KCND3: variants seen among roughly 807,000 people sequenced by gnomAD.
KCND3 encodes the protein potassium voltage-gated channel subfamily D member 3, also known as A-type voltage-gated potassium channel KCND3.
In KCND3, 9 loss-of-function variants were observed where a neutral mutation model predicts 51.1. The observed-to-expected ratio is 0.18, with a 90% confidence interval of 0.11 to 0.31. KCND3 has a LOEUF of 0.31. Among genes scored for constraint, KCND3 ranks in the 10% least tolerant of loss-of-function variants. KCND3 has a pLI of 1.00. For synonymous variants in KCND3, 349 were observed against 368.0 expected, an observed-to-expected ratio of 0.95 and a Z score of 0.59; for missense variants, 526 against 903.8, an observed-to-expected ratio of 0.58 and a Z score of 5.36.
In KCND3 at chr1:111,820,634, C is replaced by T. The variant is rs147529494; in HGVS notation, c.1107-33528G>A. ...TTGTTTTCATTCTTACTTTTGGAAG[C>T]TCCCTGGATTGAATTGTGTCTTCCA... On this transcript the variant is annotated intron_variant, in intron 2 of 7. Transcript: ENST00000302127. 1.7e-3 allele frequency among the ~76,000 whole-genome samples: 264 copies of T among 152,260 alleles called. 1 individual carries two copies. Among genetic ancestry groups the T allele is most frequent in the African/African-American group, 6.1e-3 (254 of 41,538 alleles).
At chr1:111,931,968 C>T (rs140530721) in intron 2 of KCND3, among the ~76,000 whole-genome samples, 2 of 152,354 alleles carry the variant, frequency 1.3e-5, no homozygotes, top group East Asian at 1.9e-4. Flanking sequence ...TTCAGCACCA[C>T]CAACGTATAC....
intron 2 of KCND3, among the ~76,000 whole-genome samples, chr1:111,886,843 T>C (rs1260022157): frequency 6.6e-6 from 1 of 152,224 alleles, no homozygotes; most frequent in Non-Finnish European, 1.5e-5. Context: ...AACACATATA[T>C]GCTTGACCAC....
At chr1:111,827,631 A>T (rs747176337) in intron 2 of KCND3, among the ~76,000 whole-genome samples, 1 of 152,192 alleles carries the variant, frequency 6.6e-6, no homozygotes, top group South Asian at 2.1e-4. Context: ...TAACAATCCT[A>T]TGAGGCTGGT....
In KCND3 at chr1:111,830,791, T is replaced by C. The variant is rs1053797256; in HGVS notation, c.1107-43685A>G. On this transcript the variant is annotated intron_variant, in intron 2 of 7. Coordinates refer to ENST00000302127, the MANE Select transcript of KCND3 (RefSeq NM_001378969.1). The stretch of plus-strand genomic sequence containing the variant: ...ATATTTTCCATAAAATGTATTTTAA[T>C]GTGTAATGGGATATGTTATTTTAAA... Among the ~76,000 whole-genome samples the C allele has an allele frequency of 2.0e-5, 3 of 152,392 alleles. No individual in the cohort carries two copies. The East Asian group carries it at 5.8e-4, about 29-fold the overall frequency.
rs185181537 is a variant in KCND3, at chr1:111,898,667, A to C, written c.1106+82954T>G. ...TACTGAGTGTGTGCTTCAACTGTAC[A>C]CAAAGCACAGGCCTTGCCCTCCTGA... On this transcript the variant is annotated intron_variant, in intron 2 of 7. Coordinates refer to ENST00000302127, the MANE Select transcript of KCND3 (RefSeq NM_001378969.1). Among the ~76,000 whole-genome samples, 3 of 152,346 alleles carry C rather than the reference A, an allele frequency of 2.0e-5. No individual in the cohort carries two copies. The East Asian group carries it at 5.8e-4, about 29-fold the overall frequency.
chr1:111,920,413 C>T (rs1012952676), intron 2 of KCND3, among the ~76,000 whole-genome samples: 4 of 152,246 alleles, frequency 2.6e-5, no homozygotes, highest in Non-Finnish European at 4.4e-5. Flanking sequence ...ACGCCAGTGG[C>T]TTCTAAAAAT....
At chr1:111,972,508 A>G (rs1674399825) in intron 2 of KCND3, among the ~76,000 whole-genome samples, 1 of 152,212 alleles carries the variant, frequency 6.6e-6, no homozygotes, top group African/African-American at 2.4e-5. Flanking sequence ...AAACCAGCAT[A>G]TTAGTTAAGC....
chr1:111,951,043 G>T (rs906992964), intron 2 of KCND3, among the ~76,000 whole-genome samples: 2 of 151,512 alleles, frequency 1.3e-5, no homozygotes, highest in African/African-American at 4.9e-5. Flanking sequence ...GGTGGTGCAT[G>T]CCTGTAATCC....
chr1:111,935,707 C>T (rs1474455930), intron 2 of KCND3, among the ~76,000 whole-genome samples: 1 of 152,182 alleles, frequency 6.6e-6, no homozygotes, highest in Non-Finnish European at 1.5e-5. Context: ...GGCACCAGAA[C>T]AGACCTGTCT....
chr1:111,861,674 AG>A (rs1294833126), intron 2 of KCND3, among the ~76,000 whole-genome samples: 2 of 152,104 alleles, frequency 1.3e-5, no homozygotes. Context: ...CAGCATTCCC[AG>A]CCTGGCAGAG....
At chr1:111,894,406 T>C (rs1669998189) in intron 2 of KCND3, among the ~76,000 whole-genome samples, 1 of 152,156 alleles carries the variant, frequency 6.6e-6, no homozygotes. Flanking sequence ...AAGTTGTCTT[T>C]CTCTCCCACC....
chr1:111,975,206 C>T (rs1674558644), intron 2 of KCND3, among the ~76,000 whole-genome samples: 1 of 152,212 alleles, frequency 6.6e-6, no homozygotes, highest in South Asian at 2.1e-4. Context: ...CTGTCAGCAT[C>T]AGGCCTACTC....
chr1:111,803,848 C>T (rs1386101633), intron 2 of KCND3, among the ~76,000 whole-genome samples: 1 of 152,260 alleles, frequency 6.6e-6, no homozygotes, highest in Admixed American at 6.5e-5. Flanking sequence ...GAAGAACCAT[C>T]GACTCCAACT....
intron 2 of KCND3, among the ~76,000 whole-genome samples, chr1:111,819,462 C>G (rs576965533): frequency 6.6e-6 from 1 of 151,966 alleles, no homozygotes; most frequent in Non-Finnish European, 1.5e-5. Flanking sequence ...AGCAAGAGCT[C>G]GCTCATAAAT....
intron 2 of KCND3, among the ~76,000 whole-genome samples, chr1:111,837,239 G>A (rs1347456267): frequency 6.6e-6 from 1 of 152,132 alleles, no homozygotes; most frequent in African/African-American, 2.4e-5. Flanking sequence ...GCCCTCTGAT[G>A]TAACAGTTCC....
intron 2 of KCND3, among the ~76,000 whole-genome samples, chr1:111,842,609 G>A (rs1399232755): frequency 1.3e-5 from 2 of 152,216 alleles, no homozygotes; most frequent in Non-Finnish European, 1.5e-5. Context: ...AGTGACCAAC[G>A]GGAGCTCCAC....
chr1:111,806,769 C>G (rs574260821), intron 2 of KCND3, among the ~76,000 whole-genome samples: 32 of 152,318 alleles, frequency 2.1e-4, no homozygotes, highest in African/African-American at 7.7e-4. Context: ...CAACCCCACC[C>G]TTGCCTTTAA....
chr1:111,857,555 T>C (rs1161615119), intron 2 of KCND3, among the ~76,000 whole-genome samples: 1 of 152,130 alleles, frequency 6.6e-6, no homozygotes, highest in African/African-American at 2.4e-5. Context: ...AGTGTGGTGA[T>C]TGTTGCCTCC....
At position 111,850,728 on chromosome 1, in the gene KCND3, C is replaced by T. The variant is rs1199401100; in HGVS notation, c.1107-63622G>A. 3.9e-5 allele frequency among the ~76,000 whole-genome samples: 6 copies of T among 152,194 alleles called. No homozygotes were observed. In the South Asian group the frequency reaches 1.0e-3, roughly 26 times the overall value. On this transcript the variant is annotated intron_variant, in intron 2 of 7. Transcript: ENST00000302127. ...GTCTTCAACTCACAAGAAGCCCAAG[C>T]AGTGGCCCTTGAGCATTCTCAGCCA...
Sources: gnomAD v4.1 joint callset for allele counts (sites outside exome capture counted in the v4.1 genomes callset) on GRCh38, gnomAD v4.1.1 for gene constraint, MANE v1.5 for transcripts, NCBI Gene and HGNC (gene_info 2026-07-23, HGNC 2026-07-21) for gene names.